The following DMD variants were observed in gnomAD, a reference collection of about 807,000 sequenced individuals.
The protein encoded by DMD is mutant dystrophin.
DMD carries 63 observed loss-of-function variants against 330.1 expected under a neutral mutation model. That is an observed-to-expected ratio of 0.19 (90% CI 0.16 to 0.24). The LOEUF (loss-of-function observed/expected upper bound fraction) is 0.24. Among genes scored for constraint, DMD ranks in the 10% least tolerant of loss-of-function variants. The probability of loss-of-function intolerance (pLI) is 1.00; values close to 1 mark genes in which losing one functional copy is unlikely to be tolerated. For synonymous variants in DMD, 1,223 were observed against 959.8 expected, an observed-to-expected ratio of 1.27 and a Z score of -5.07; for missense variants, 3,344 against 2,684.1, an observed-to-expected ratio of 1.25 and a Z score of -5.43.
Position 32,610,853 on chromosome X carries a change from C to A in DMD, c.1482+3450G>T, listed in dbSNP as rs775779179. On this transcript the variant is annotated intron_variant, in intron 12 of 78. Coordinates refer to ENST00000357033, the MANE Select transcript of DMD (RefSeq NM_004006.3). ...ATTTTGTTGTCAGAAGGAGAAATTT[C>A]CTTACTTTCAATGATTTACAATTCT... 1.1e-4 allele frequency among the ~76,000 whole-genome samples: 12 copies of A among 110,681 alleles called. No individual in the cohort carries two copies. In the South Asian group the frequency reaches 4.6e-3, roughly 42 times the overall value.
chrX:31,283,508 A>G (rs1396173788), intron 62 of DMD, among the ~76,000 whole-genome samples: 1 of 111,680 alleles, frequency 9.0e-6, no homozygotes, highest in East Asian at 2.8e-4. Flanking sequence ...CTATCAATTC[A>G]TGAAAATATT....
intron 57 of DMD, among the ~76,000 whole-genome samples, chrX:31,480,657 T>C (rs754422100): frequency 1.1e-4 from 12 of 107,607 alleles, no homozygotes; most frequent in African/African-American, 4.0e-4. Context: ...TTCAAGTAAA[T>C]TATCATTTTG....
intron 47 of DMD, among the ~76,000 whole-genome samples, chrX:31,886,326 A>G (rs192876668): frequency 2.0e-3 from 225 of 111,863 alleles, no homozygotes; most frequent in Non-Finnish European, 2.9e-3. Flanking sequence ...TTTAAAAGCC[A>G]TAAAGTAATG....
At chrX:33,322,309 G>C (rs1034360147) in intron 1 of DMD, among the ~76,000 whole-genome samples, 2 of 108,950 alleles carry the variant, frequency 1.8e-5, no homozygotes, top group African/African-American at 6.7e-5. Context: ...AGAGACCACT[G>C]TGGGGTTGTT....
At chrX:31,799,886 G>A (rs941087686) in intron 50 of DMD, among the ~76,000 whole-genome samples, 3 of 112,222 alleles carry the variant, frequency 2.7e-5, no homozygotes, top group Non-Finnish European at 5.6e-5. Flanking sequence ...AAATCCAATA[G>A]GGCAGTCATT....
chrX:32,728,245 C>A (rs1227132746), intron 7 of DMD, among the ~76,000 whole-genome samples: 1 of 111,400 alleles, frequency 9.0e-6, no homozygotes, highest in Non-Finnish European at 1.9e-5. Context: ...AGGAAGCTTG[C>A]CAGACACTCC....
chrX:31,476,862 G>C (rs2067823648), intron 59 of DMD, among the ~76,000 whole-genome samples: 1 of 111,457 alleles, frequency 9.0e-6, no homozygotes, highest in African/African-American at 3.3e-5. Flanking sequence ...GGTTAAAAGA[G>C]GAGAGAAAAC....
At chrX:33,035,771 T>C (rs2094194402) in intron 1 of DMD, among the ~76,000 whole-genome samples, 1 of 111,725 alleles carries the variant, frequency 9.0e-6, no homozygotes, top group Admixed American at 9.5e-5. Context: ...AAGAAACAAA[T>C]CACTCCTTTC....
At chrX:31,615,060 G>A (rs1021217205) in intron 55 of DMD, among the ~76,000 whole-genome samples, 1 of 111,697 alleles carries the variant, frequency 9.0e-6, no homozygotes, top group East Asian at 2.8e-4. Flanking sequence ...CTATCACATA[G>A]AGGAATATCA....
intron 44 of DMD, among the ~76,000 whole-genome samples, chrX:32,074,169 T>C (rs1001242984): frequency 3.6e-5 from 4 of 111,763 alleles, no homozygotes; most frequent in South Asian, 3.7e-4. Flanking sequence ...TGCATGATTA[T>C]ATTATGATAC....
intron 7 of DMD, among the ~76,000 whole-genome samples, chrX:32,783,027 GGT>G (rs1330511600): frequency 1.0e-5 from 1 of 96,786 alleles, no homozygotes; most frequent in African/African-American, 3.8e-5. Context: ...ATACATATAT[GGT>G]GTGTTTATAT....
intron 2 of DMD, among the ~76,000 whole-genome samples, chrX:32,985,885 G>C (rs1002376626): frequency 3.6e-5 from 4 of 111,644 alleles, no homozygotes; most frequent in Non-Finnish European, 5.6e-5. Context: ...TCCCCCAAAG[G>C]CATCGTGTAT....
chrX:31,969,044 C>T (rs1278625306), intron 44 of DMD, among the ~76,000 whole-genome samples: 3 of 110,960 alleles, frequency 2.7e-5, no homozygotes, highest in South Asian at 7.5e-4. Flanking sequence ...ATTCTGTCTG[C>T]GTCAATGTAT....
At position 32,615,131 on chromosome X, in the gene DMD, T is replaced by C. The variant is rs142350540; in HGVS notation, c.1332-678A>G. On this transcript the variant is annotated intron_variant, in intron 11 of 78. Transcript: ENST00000357033. ...TGACCCCCAGCTATAAAACTAGTAATATAAAAACAACCTGGCTGAGCCCTG... is the reference window on the plus strand; with the variant it reads ...TGACCCCCAGCTATAAAACTAGTAACATAAAAACAACCTGGCTGAGCCCTG... Among the ~76,000 whole-genome samples, 832 of 111,351 alleles carry C rather than the reference T, an allele frequency of 7.5e-3. 10 individuals are homozygous for C. Among genetic ancestry groups the C allele is most frequent in the African/African-American group, 0.026 (799 of 30,734 alleles).
At chrX:32,706,245 A>AG (rs1384119648) in intron 7 of DMD, among the ~76,000 whole-genome samples, 3 of 19,775 alleles carry the variant, frequency 1.5e-4, no homozygotes, top group Non-Finnish European at 2.6e-4. Context: ...GGGAGTGGGG[A>AG]GGGGGGAGGG....
intron 2 of DMD, among the ~76,000 whole-genome samples, chrX:32,992,893 C>T (rs1038314906): frequency 1.1e-5 from 1 of 94,493 alleles, no homozygotes; most frequent in African/African-American, 4.3e-5. Context: ...GCAACAAAAG[C>T]CAAGCTCTGT....
At chrX:32,509,042 C>A (rs753671844) in intron 18 of DMD, among the ~76,000 whole-genome samples, 2 of 109,937 alleles carry the variant, frequency 1.8e-5, no homozygotes, top group Admixed American at 9.7e-5. Context: ...GATCTCCTGA[C>A]TTCATGATCC....
intron 38 of DMD, among the ~76,000 whole-genome samples, chrX:32,347,047 ATATTTAAATC>A (rs1443652080): frequency 8.9e-6 from 1 of 111,832 alleles, no homozygotes; most frequent in Non-Finnish European, 1.9e-5. Context: ...TAGATGTTAT[ATATTTAAATC>A]TATAATGCAT....
intron 47 of DMD, among the ~76,000 whole-genome samples, chrX:31,876,080 G>C (rs529801943): frequency 1.8e-5 from 2 of 112,303 alleles, no homozygotes; most frequent in Admixed American, 1.9e-4. Context: ...ATTTGGATTA[G>C]AGTAGACTGT....
Sources: allele counts gnomAD v4.1 joint callset (sites outside exome capture counted in the v4.1 genomes callset), GRCh38; gene constraint gnomAD v4.1.1; transcripts MANE v1.5; gene names NCBI Gene and HGNC (gene_info 2026-07-23, HGNC 2026-07-21).